Variants in GALNT13 observed in about 807,000 individuals in gnomAD.
GALNT13 encodes UDP-GalNAc:polypeptide N-acetylgalactosaminyltransferase 13.
A neutral mutation model predicts 64.2 loss-of-function variants in GALNT13; 28 were observed. The observed-to-expected ratio is 0.44, with a 90% confidence interval of 0.32 to 0.60. The LOEUF (loss-of-function observed/expected upper bound fraction) is 0.60, where lower values mean the gene tolerates loss of function less well. Ranked by LOEUF, GALNT13 falls within the 20% of genes least tolerant of loss-of-function variation. The pLI, the probability that GALNT13 is intolerant of heterozygous loss-of-function variation, is 0.05. For synonymous variants in GALNT13, 214 were observed against 224.6 expected, an observed-to-expected ratio of 0.95 and a Z score of 0.42; for missense variants, 577 against 669.8, an observed-to-expected ratio of 0.86 and a Z score of 1.53.
intron 3 of GALNT13, among the ~76,000 whole-genome samples, chr2:154,137,818 G>A (rs1402757640): frequency 6.6e-6 from 1 of 151,958 alleles, no homozygotes; most frequent in Non-Finnish European, 1.5e-5. Context: ...CGGTGAAAGG[G>A]ATCAGAACAT....
chr2:153,311,485 AGGAACACG>A, the GALNT13 span, among the ~76,000 whole-genome samples: 1 of 152,250 alleles, frequency 6.6e-6, no homozygotes, highest in South Asian at 2.1e-4. Flanking sequence ...ATTCTAGGTC[AGGAACACG>A]GGAACAGTTT....
chr2:154,234,579 C>T (rs987905726), intron 4 of GALNT13, among the ~76,000 whole-genome samples: 2 of 152,100 alleles, frequency 1.3e-5, no homozygotes, highest in South Asian at 2.1e-4. Context: ...TTTTCATATA[C>T]TCTTTCCCTT....
chr2:154,283,950 G>A (rs964780792), intron 8 of GALNT13, among the ~76,000 whole-genome samples: 2 of 152,054 alleles, frequency 1.3e-5, no homozygotes, highest in Non-Finnish European at 2.9e-5. Context: ...GGACATAATA[G>A]GTAAGGGAAA....
At chr2:154,447,869 G>T (rs1041021723) in intron 12 of GALNT13, among the ~76,000 whole-genome samples, 1 of 152,024 alleles carries the variant, frequency 6.6e-6, no homozygotes, top group Non-Finnish European at 1.5e-5. Context: ...AACCAATCCT[G>T]ATACGTGCAG....
chr2:153,282,460 T>C, the GALNT13 span, among the ~76,000 whole-genome samples: 1 of 152,148 alleles, frequency 6.6e-6, no homozygotes, highest in South Asian at 2.1e-4. Flanking sequence ...GTCACCCAGG[T>C]TGGAGTGCAG....
At chr2:153,939,417 A>G (rs931485044) in intron 2 of GALNT13, among the ~76,000 whole-genome samples, 12 of 152,330 alleles carry the variant, frequency 7.9e-5, no homozygotes, top group African/African-American at 2.2e-4. Flanking sequence ...TGTGACTACA[A>G]TTTATTTAAT....
intron 9 of GALNT13, among the ~76,000 whole-genome samples, chr2:154,370,113 G>T (rs1020464517): frequency 1.3e-5 from 2 of 151,976 alleles, no homozygotes; most frequent in African/African-American, 4.8e-5. Context: ...ATCATATTGG[G>T]GGTTAGTGTT....
the GALNT13 span, among the ~76,000 whole-genome samples, chr2:153,630,619 G>A: frequency 7.0e-6 from 1 of 143,152 alleles, no homozygotes; most frequent in African/African-American, 2.6e-5. Flanking sequence ...TGCACATTGT[G>A]CACATGTACC....
chr2:154,316,052 C>T (rs1167313235), intron 9 of GALNT13, among the ~76,000 whole-genome samples: 4 of 152,058 alleles, frequency 2.6e-5, no homozygotes, highest in Non-Finnish European at 5.9e-5. Context: ...CGCGCCACTG[C>T]ACTCCAGCCT....
chr2:153,838,083 G>A, the GALNT13 span, among the ~76,000 whole-genome samples: 2 of 151,836 alleles, frequency 1.3e-5, no homozygotes, highest in Non-Finnish European at 2.9e-5. Flanking sequence ...CTCTATTCAG[G>A]TCCTTTGTCC....
At chr2:154,028,104 C>T (rs1177888655) in intron 3 of GALNT13, among the ~76,000 whole-genome samples, 1 of 152,084 alleles carries the variant, frequency 6.6e-6, no homozygotes, top group Non-Finnish European at 1.5e-5. Flanking sequence ...AATGCTGAAC[C>T]TACTAGCGTG....
At chr2:154,125,642 GA>G (rs1431242115) in intron 3 of GALNT13, among the ~76,000 whole-genome samples, 1 of 152,062 alleles carries the variant, frequency 6.6e-6, no homozygotes, top group Non-Finnish European at 1.5e-5. Context: ...CATTAGATGG[GA>G]AAAAATAGAA....
At chr2:153,129,087 A>T in the GALNT13 span, among the ~76,000 whole-genome samples, 1 of 152,166 alleles carries the variant, frequency 6.6e-6, no homozygotes, top group Admixed American at 6.6e-5. Flanking sequence ...TTGGGAATCC[A>T]CGAATACTGG....
chr2:153,933,387 A>C (rs770652905), intron 2 of GALNT13, among the ~76,000 whole-genome samples: 17 of 151,822 alleles, frequency 1.1e-4, no homozygotes, highest in Non-Finnish European at 2.1e-4. Flanking sequence ...ATAGCAACTC[A>C]ATATTTTTTT....
At chr2:154,031,441 AC>A in intron 3 of GALNT13, among the ~76,000 whole-genome samples, 2 of 152,134 alleles carry the variant, frequency 1.3e-5, no homozygotes, top group South Asian at 4.1e-4. Context: ...AATAGTCTAA[AC>A]ACATTAATTT....
At chr2:154,129,609 CTT>C (rs1682495564) in intron 3 of GALNT13, among the ~76,000 whole-genome samples, 1 of 151,844 alleles carries the variant, frequency 6.6e-6, no homozygotes, top group African/African-American at 2.4e-5. Context: ...AAATGAAACA[CTT>C]TTATTTTATT....
intron 3 of GALNT13, among the ~76,000 whole-genome samples, chr2:153,948,068 G>A (rs1337458673): frequency 1.3e-5 from 2 of 152,054 alleles, no homozygotes; most frequent in Non-Finnish European, 2.9e-5. Context: ...GTGCCATGCT[G>A]TTTTGGTTAC....
chr2:153,634,740 G>A, the GALNT13 span, among the ~76,000 whole-genome samples: 14 of 151,390 alleles, frequency 9.2e-5, no homozygotes, highest in African/African-American at 3.4e-4. Context: ...TAGTAGAGAC[G>A]GGGTTTCACC....
rs1573991225 is a variant in GALNT13, at chr2:154,269,982, T to C, written c.975+10844T>C. Among the ~76,000 whole-genome samples the C allele has an allele frequency of 2.2e-5, 3 of 138,110 alleles. No individual in the cohort carries two copies. In the Admixed American group the frequency reaches 2.3e-4, roughly 11 times the overall value. 90.6% of individuals were successfully genotyped at this position (138,110 alleles called of 152,430 possible). A position where few individuals can be genotyped will look rare whatever the true frequency, so the allele number is the denominator to read the frequency against. ...AATAATATTTCATTATGGTTCCTAATAGAATTCTGTTTATCCAAAACAAAT... is the reference window on the plus strand; with the variant it reads ...AATAATATTTCATTATGGTTCCTAACAGAATTCTGTTTATCCAAAACAAAT... On this transcript the variant is annotated intron_variant, in intron 8 of 12. Coordinates refer to ENST00000392825, the MANE Select transcript of GALNT13 (RefSeq NM_052917.4).
Sources: gnomAD v4.1 joint callset for allele counts (sites outside exome capture counted in the v4.1 genomes callset) on GRCh38, gnomAD v4.1.1 for gene constraint, MANE v1.5 for transcripts, NCBI Gene and HGNC (gene_info 2026-07-23, HGNC 2026-07-21) for gene names.